Variants in AP1G1 observed in about 807,000 individuals in gnomAD.
AP1G1 encodes adaptor related protein complex 1 subunit gamma 1, also known as AP-1 complex subunit gamma-1.
A neutral mutation model predicts 108.3 loss-of-function variants in AP1G1; 7 were observed. The ratio of observed to expected loss-of-function variants is 0.06; its 90% confidence interval spans 0.04 to 0.12. The LOEUF is 0.12. AP1G1 is among the 10% of genes least tolerant of loss of function. The pLI is 1.00. For missense variants in AP1G1, 756 were observed against 1,010.7 expected, an observed-to-expected ratio of 0.75 and a Z score of 3.42; for synonymous variants, 379 against 353.5, an observed-to-expected ratio of 1.07 and a Z score of -0.81.
chr16:71,770,081 T>C (rs1390102329), intron 5 of AP1G1, among the ~76,000 whole-genome samples: 1 of 152,138 alleles, frequency 6.6e-6, no homozygotes, highest in African/African-American at 2.4e-5. Flanking sequence ...GAGGCAAAAA[T>C]CTTAGTAAGA....
intron 19 of AP1G1, 95 bp from the exon 20 acceptor site, chr16:71,739,436 G>C: frequency 1.0e-6 from 1 of 968,112 alleles, no homozygotes; most frequent in Non-Finnish European, 1.5e-6. Flanking sequence ...TCAGGTTAAG[G>C]AAAGATTCCT....
At chr16:71,741,177 C>T (rs11646748) in intron 19 of AP1G1, among the ~76,000 whole-genome samples, 52,386 of 151,770 alleles carry the variant, frequency 0.35, 9,809 homozygotes, top group East Asian at 0.76. Context: ...TGAAAATATG[C>T]CATTTAAAAA....
chr16:71,807,737 G>A, intron 1 of AP1G1: 1 of 1,093,446 alleles, frequency 9.1e-7, no homozygotes, highest in Non-Finnish European at 1.2e-6. Context: ...CACTAAGAAA[G>A]CACTAACTCC....
At chr16:71,798,295 T>C (rs1406924762) in intron 1 of AP1G1, among the ~76,000 whole-genome samples, 4 of 151,994 alleles carry the variant, frequency 2.6e-5, no homozygotes, top group Admixed American at 2.6e-4. Flanking sequence ...GCCTCCCAGA[T>C]TCAAGCAATT....
intron 2 of AP1G1, among the ~76,000 whole-genome samples, chr16:71,775,809 G>C (rs2031760990): frequency 6.6e-6 from 1 of 152,240 alleles, no homozygotes; most frequent in African/African-American, 2.4e-5. Context: ...GGAAAACTCA[G>C]TAGTGGAATT....
chr16:71,786,786 G>C (rs1256791508), intron 2 of AP1G1, among the ~76,000 whole-genome samples: 2 of 151,822 alleles, frequency 1.3e-5, no homozygotes, highest in South Asian at 4.2e-4. Context: ...TAGCTGACCG[G>C]GCACAATAGT....
At chr16:71,740,490 A>G (rs1486676654) in intron 19 of AP1G1, among the ~76,000 whole-genome samples, 1 of 152,222 alleles carries the variant, frequency 6.6e-6, no homozygotes, top group Non-Finnish European at 1.5e-5. Context: ...AATACTGGAA[A>G]CAACCAAAAT....
chr16:71,773,086 A>G (rs1597067400), intron 4 of AP1G1, 135 bp downstream of exon 4: 1 of 927,026 alleles, frequency 1.1e-6, no homozygotes, highest in Non-Finnish European at 1.7e-6. Context: ...TTAATATATA[A>G]TCATGTAAAA....
intron 9 of AP1G1, among the ~76,000 whole-genome samples, chr16:71,762,874 C>T (rs537338011): frequency 1.3e-5 from 2 of 152,334 alleles, no homozygotes; most frequent in South Asian, 2.1e-4. Context: ...AAGCACAGGT[C>T]ACAATCTGAG....
intron 22 of AP1G1, 185 bp downstream of exon 22, chr16:71,734,424 A>G (rs1175580652): frequency 5.5e-6 from 3 of 549,548 alleles, no homozygotes; most frequent in Non-Finnish European, 9.7e-6. Flanking sequence ...AGATGCCACT[A>G]AGCCACCTGA....
At chr16:71,752,486 T>C (rs1369736302) in intron 13 of AP1G1, among the ~76,000 whole-genome samples, 1 of 152,148 alleles carries the variant, frequency 6.6e-6, no homozygotes. Context: ...AAGTCATAAT[T>C]TCAATGATAT....
chr16:71,773,074 G>T (rs1368715094), intron 4 of AP1G1, 147 bp downstream of exon 4: 1 of 861,796 alleles, frequency 1.2e-6, no homozygotes, highest in Non-Finnish European at 1.9e-6. Context: ...GAGGAATTAA[G>T]GTTAATATAT....
At chr16:71,759,957 C>T (rs1264937188) in intron 10 of AP1G1, among the ~76,000 whole-genome samples, 2 of 151,684 alleles carry the variant, frequency 1.3e-5, no homozygotes, top group African/African-American at 4.8e-5. Context: ...GATCTAGTAC[C>T]AAAACTGTAT....
chr16:71,763,012 C>A (rs1332846677), intron 9 of AP1G1, among the ~76,000 whole-genome samples: 3 of 152,076 alleles, frequency 2.0e-5, no homozygotes, highest in African/African-American at 7.2e-5. Flanking sequence ...TAGAAGATAC[C>A]CAGCTGGTAT....
intron 1 of AP1G1, among the ~76,000 whole-genome samples, chr16:71,806,011 G>C (rs970702281): frequency 6.9e-6 from 1 of 144,780 alleles, no homozygotes; most frequent in African/African-American, 2.6e-5. Context: ...GTGAGACCCT[G>C]TCTCAAACAA....
At chr16:71,806,782 A>C (rs1170829275) in intron 1 of AP1G1, 3 of 1,093,664 alleles carry the variant, frequency 2.7e-6, no homozygotes, top group Non-Finnish European at 3.6e-6. Flanking sequence ...GAACTCACGT[A>C]TCTAATAGTA....
chr16:71,803,165 G>C (rs1567666861), intron 1 of AP1G1, among the ~76,000 whole-genome samples: 1 of 151,934 alleles, frequency 6.6e-6, no homozygotes, highest in Non-Finnish European at 1.5e-5. Context: ...AGTAAGCTGA[G>C]ATGGCACCAC....
At chr16:71,773,396 TG>T (rs767819172) in intron 3 of AP1G1, 34 bp from the exon 4 acceptor site, 1 of 1,470,188 alleles carries the variant, frequency 6.8e-7, no homozygotes, top group African/African-American at 1.4e-5. Flanking sequence ...GGAACAAGCC[TG>T]GTGCTCCCCA....
Position 71,758,912 on chromosome 16 carries a change from A to G in AP1G1, c.984T>C (p.Ala328=). 2 of 1,588,656 alleles carry G rather than the reference A, an allele frequency of 1.3e-6. No homozygotes were observed. The highest frequency in any genetic ancestry group is 1.7e-6 in the Non-Finnish European group (2 of 1,167,882). Residue 328 remains alanine, a synonymous_variant, in exon 11 of 23, where the codon GCT becomes GCC. Coordinates refer to ENST00000299980, the MANE Select transcript of AP1G1 (RefSeq NM_001128.6). The part of the protein sequence containing the change: ...LNNDKNIRYV[A]LTSLLKTVQT... ...GTACAGTCTTCAACAAAGATGTCAGAGCCACATATCTGGATGAAACAGTTG... is the reference window on the plus strand; with the variant it reads ...GTACAGTCTTCAACAAAGATGTCAGGGCCACATATCTGGATGAAACAGTTG...
Sources: gnomAD v4.1 joint callset for allele counts (sites outside exome capture counted in the v4.1 genomes callset) on GRCh38, gnomAD v4.1.1 for gene constraint, MANE v1.5 for transcripts, NCBI Gene and HGNC (gene_info 2026-07-23, HGNC 2026-07-21) for gene names.